HERC1: variants seen among roughly 807,000 people sequenced by gnomAD.
HERC1 encodes the protein probable E3 ubiquitin-protein ligase HERC1.
In HERC1, 160 loss-of-function variants were observed where a neutral mutation model predicts 554.3. That is an observed-to-expected ratio of 0.29 (90% CI 0.25 to 0.33). HERC1 has a LOEUF of 0.33. HERC1 is among the 10% of genes least tolerant of loss of function. HERC1 has a pLI of 1.00. For missense variants in HERC1, 4,919 were observed against 5,918.5 expected, an observed-to-expected ratio of 0.83 and a Z score of 5.54; for synonymous variants, 2,175 against 2,131.7, an observed-to-expected ratio of 1.02 and a Z score of -0.56.
chr15:63,651,441 C>G, intron 52 of HERC1, 61 bp from the exon 53 acceptor site: 2 of 1,518,766 alleles, frequency 1.3e-6, no homozygotes, highest in Non-Finnish European at 1.8e-6. Context: ...AAATTAAATC[C>G]CAAACCTTAA....
chr15:63,716,976 G>C (rs1185137183), intron 21 of HERC1, among the ~76,000 whole-genome samples: 1 of 151,996 alleles, frequency 6.6e-6, no homozygotes, highest in African/African-American at 2.4e-5. Context: ...ATCTGCTAAG[G>C]ACAATGTTAA....
In HERC1 at chr15:63,831,644, C is replaced by T. The variant is rs553007663; in HGVS notation, c.-27+2183G>A. On this transcript the variant is annotated intron_variant, in intron 1 of 77. Coordinates refer to ENST00000443617, the MANE Select transcript of HERC1 (RefSeq NM_003922.4). ...CAGCTCCTTCAATATACCCAGCCCC[C>T]TTTTTTTTCTATTTCAAATATTAGG... Among the ~76,000 whole-genome samples, 305 of 151,974 alleles carry T rather than the reference C, an allele frequency of 2.0e-3. 3 individuals are homozygous for T. Among genetic ancestry groups the T allele is most frequent in the African/African-American group, 6.6e-3 (272 of 41,462 alleles).
chr15:63,684,907 G>T (rs1407627727), intron 34 of HERC1, among the ~76,000 whole-genome samples: 1 of 152,202 alleles, frequency 6.6e-6, no homozygotes, highest in Non-Finnish European at 1.5e-5. Flanking sequence ...TAATTGGGAG[G>T]CTGAGGCAGG....
Position 63,678,081 on chromosome 15 carries a change from T to G in HERC1, c.6834A>C (p.Glu2278Asp), listed in dbSNP as rs1555417396. Residue 2278 changes from glutamate to aspartate, a missense_variant, in exon 37 of 78, where the codon GAA becomes GAC. By Grantham distance (45) the Glu-to-Asp change is conservative (BLOSUM62 2). This residue lies in a region of HERC1 where 1,963 missense variants were observed against 2,228.6 expected (regional missense o/e 0.88). Coordinates refer to ENST00000443617, the MANE Select transcript of HERC1 (RefSeq NM_003922.4). ...CATGCCTAGTATGTTTACCTTTCTCTTCCTCTTTGCTCTCCTTCTCCTCTC... is the reference window on the plus strand; with the variant it reads ...CATGCCTAGTATGTTTACCTTTCTCGTCCTCTTTGCTCTCCTTCTCCTCTC... ...EMREEKESKE[E>D]EKGKHTRHGL... 2 of 1,614,042 alleles carry G rather than the reference T, an allele frequency of 1.2e-6. No homozygotes were observed. The highest frequency in any genetic ancestry group is 2.2e-5 in the South Asian group (2 of 91,082).
intron 51 of HERC1, 71 bp from the exon 52 acceptor site, chr15:63,652,612 C>A: frequency 1.6e-6 from 2 of 1,269,318 alleles, no homozygotes; most frequent in South Asian, 1.4e-5. Context: ...AAAGTTGTAT[C>A]CAATTTTTAA....
chr15:63,614,297 T>C (rs1180051936), intron 76 of HERC1, among the ~76,000 whole-genome samples: 2 of 152,316 alleles, frequency 1.3e-5, no homozygotes, highest in East Asian at 1.9e-4. Flanking sequence ...CACTCAGTGC[T>C]TTCTTCTGTG....
At chr15:63,832,346 T>C (rs1166098305) in intron 1 of HERC1, among the ~76,000 whole-genome samples, 1 of 152,188 alleles carries the variant, frequency 6.6e-6, no homozygotes, top group Non-Finnish European at 1.5e-5. Flanking sequence ...CATTCAATTT[T>C]GCTTGTATAA....
intron 1 of HERC1, among the ~76,000 whole-genome samples, chr15:63,789,943 AACAATAT>A (rs2076586999): frequency 6.6e-6 from 1 of 152,140 alleles, no homozygotes; most frequent in African/African-American, 2.4e-5. Context: ...AGATCACACA[AACAATAT>A]TAGAGGAATC....
Position 63,727,794 on chromosome 15 carries a change from C to A in HERC1, c.3199G>T (p.Val1067Phe), listed in dbSNP as rs752007792. Residue 1067 changes from valine (V) to phenylalanine (F), a missense_variant, in exon 17 of 78, where the codon GTT becomes TTT. Val to Phe is a conservative substitution (Grantham distance 50, BLOSUM62 -1). Around this residue, in one of 11 missense-constraint regions of HERC1, gnomAD observed 1,121 missense variants for 1,244.0 expected, o/e 0.90. Transcript: ENST00000443617. This position sits in a 1 kb window ranked among gnomAD's most constrained non-coding sequence, Gnocchi z 4.3. ...ACAGGGAGTAACAGCAGGGAGTTAA[C>A]AATCTGGCAGAGCATACTGCCAGCA... Reference protein sequence around the residue: ...SAAGSMLCQIVNSLLLLPVSV... With the variant: ...SAAGSMLCQIFNSLLLLPVSV... 1 of 1,613,906 alleles carries A rather than the reference C, an allele frequency of 6.2e-7. No homozygotes were observed. The highest frequency in any genetic ancestry group is 1.1e-5 in the South Asian group (1 of 91,084).
At chr15:63,807,292 T>C (rs2077167380) in intron 1 of HERC1, among the ~76,000 whole-genome samples, 1 of 152,122 alleles carries the variant, frequency 6.6e-6, no homozygotes, top group African/African-American at 2.4e-5. Flanking sequence ...TCCAGTTGCA[T>C]TGGGCCATTG....
chr15:63,807,387 A>G (rs2077170216), intron 1 of HERC1, among the ~76,000 whole-genome samples: 1 of 152,174 alleles, frequency 6.6e-6, no homozygotes, highest in Non-Finnish European at 1.5e-5. Context: ...CCACCTCACA[A>G]AGCCATTTCC....
chr15:63,650,033 T>C, intron 53 of HERC1, 108 bp from the exon 54 acceptor site: 1 of 711,318 alleles, frequency 1.4e-6, no homozygotes, highest in Non-Finnish European at 2.3e-6. Context: ...CAGTTCCAAA[T>C]TTCATAATAG....
rs1457474754 is a variant in HERC1, at chr15:63,727,348, G to A, written c.3346+299C>T. Among the ~76,000 whole-genome samples, 1 of 152,182 alleles carries A rather than the reference G, an allele frequency of 6.6e-6. No homozygotes were observed. The highest frequency in any genetic ancestry group is 1.5e-5 in the Non-Finnish European group (1 of 68,030). On this transcript the variant is annotated intron_variant, in intron 17 of 77. Coordinates refer to ENST00000443617, the MANE Select transcript of HERC1 (RefSeq NM_003922.4). This position sits in a 1 kb window ranked among gnomAD's most constrained non-coding sequence, Gnocchi z 4.3. ...GCCTAATCAACATCCTGATATGGTT[G>A]TAAATTTGACACTTGGACTAAGTGA...
In HERC1 at chr15:63,612,566, G is replaced by A. The variant is rs2067645717; in HGVS notation, c.14095-10C>T. 3 of 1,609,102 alleles carry A rather than the reference G, an allele frequency of 1.9e-6. No homozygotes were observed. The highest frequency in any genetic ancestry group is 2.5e-6 in the Non-Finnish European group (3 of 1,177,176). ...CTCGGACTGCAGCCACCTGCTCCCGGGAGAGGTTGCTCATTCAATGAGTGT... is the reference window on the plus strand; with the variant it reads ...CTCGGACTGCAGCCACCTGCTCCCGAGAGAGGTTGCTCATTCAATGAGTGT... On this transcript the variant is annotated splice_polypyrimidine_tract_variant and intron_variant, in intron 76 of 77. Coordinates refer to ENST00000443617, the MANE Select transcript of HERC1 (RefSeq NM_003922.4). This position sits in a 1 kb window ranked among gnomAD's most constrained non-coding sequence, Gnocchi z 5.0.
At chr15:63,668,141 A>C (rs2070733240) in intron 40 of HERC1, among the ~76,000 whole-genome samples, 1 of 152,222 alleles carries the variant, frequency 6.6e-6, no homozygotes, top group African/African-American at 2.4e-5. Flanking sequence ...AGAACAAAAA[A>C]CAGGTGGAAC....
intron 77 of HERC1, among the ~76,000 whole-genome samples, chr15:63,610,296 A>G (rs1333067219): frequency 6.6e-6 from 1 of 152,244 alleles, no homozygotes; most frequent in Non-Finnish European, 1.5e-5. Flanking sequence ...TCAACGCAGA[A>G]AAACTGAAAG....
At chr15:63,771,723 A>C (rs957136563) in intron 2 of HERC1, among the ~76,000 whole-genome samples, 1 of 152,004 alleles carries the variant, frequency 6.6e-6, no homozygotes, top group African/African-American at 2.4e-5. Context: ...GTAAGCCACC[A>C]CGCCTGGCCA....
At chr15:63,623,373 T>A (rs1395281826) in intron 73 of HERC1, among the ~76,000 whole-genome samples, 3 of 152,264 alleles carry the variant, frequency 2.0e-5, no homozygotes, top group Non-Finnish European at 4.4e-5. Context: ...AGTTCTACTT[T>A]GTTCTAAAAG....
chr15:63,730,078 T>C (rs2074222911), intron 14 of HERC1, among the ~76,000 whole-genome samples: 1 of 151,182 alleles, frequency 6.6e-6, no homozygotes, highest in Non-Finnish European at 1.5e-5. Flanking sequence ...TTACCAATTT[T>C]TAAGTATTTG....
Sources: allele counts gnomAD v4.1 joint callset (sites outside exome capture counted in the v4.1 genomes callset), GRCh38; gene constraint gnomAD v4.1.1; regional missense constraint gnomAD v4.1.1; non-coding constraint Gnocchi (gnomAD v3.1); transcripts MANE v1.5; gene names NCBI Gene and HGNC (gene_info 2026-07-23, HGNC 2026-07-21).